Variants in XKR4 observed in about 807,000 individuals in gnomAD.
The protein encoded by XKR4 is XK-related protein 4.
In XKR4, 12 loss-of-function variants were observed where a neutral mutation model predicts 53.9. That is an observed-to-expected ratio of 0.22 (90% CI 0.14 to 0.36). The LOEUF (loss-of-function observed/expected upper bound fraction) is 0.36. Ranked by LOEUF, XKR4 falls within the 10% of genes least tolerant of loss-of-function variation. XKR4 has a pLI of 1.00. For synonymous variants in XKR4, 354 were observed against 362.4 expected (o/e 0.98, Z 0.26); for missense variants, 799 against 859.5 (o/e 0.93, Z 0.88).
chr8:55,182,779 C>T (rs1817326914), intron 1 of XKR4, among the ~76,000 whole-genome samples: 1 of 150,904 alleles, frequency 6.6e-6, no homozygotes, highest in Non-Finnish European at 1.5e-5. Flanking sequence ...TATGCTAGAC[C>T]TTTTGCCTTT....
intron 2 of XKR4, chr8:55,454,206 G>C (rs1805514495): frequency 1.9e-6 from 2 of 1,050,672 alleles, no homozygotes; most frequent in African/African-American, 3.1e-5. Flanking sequence ...AGCAAGGGTG[G>C]AATGTGCACA....
chr8:55,253,926 G>A (rs1350382340), intron 1 of XKR4, among the ~76,000 whole-genome samples: 6 of 151,638 alleles, frequency 4.0e-5, no homozygotes, highest in Non-Finnish European at 7.4e-5. Flanking sequence ...TCACCACATT[G>A]CCCAGTCTGG....
chr8:55,249,170 T>A (rs1028481812), intron 1 of XKR4, among the ~76,000 whole-genome samples: 1 of 152,192 alleles, frequency 6.6e-6, no homozygotes, highest in South Asian at 2.1e-4. Context: ...CAAAAAAAGA[T>A]CATTGTTGAA....
chr8:55,477,138 T>G (rs1243895139), intron 2 of XKR4, among the ~76,000 whole-genome samples: 2 of 152,126 alleles, frequency 1.3e-5, no homozygotes, highest in African/African-American at 2.4e-5. Context: ...TGGGAGGCAC[T>G]GCCTGGTAGG....
chr8:55,448,732 G>GTCAACCTGGTAGGCTGAAGCTTTGCT (rs1448345093), intron 2 of XKR4, among the ~76,000 whole-genome samples: 18 of 152,322 alleles, frequency 1.2e-4, no homozygotes, highest in African/African-American at 3.8e-4. Flanking sequence ...AAATGCAGTA[G>GTCAACCTGGTAGGCTGAAGCTTTGCT]TCAACCTGGT....
chr8:55,275,741 A>G (rs968720723), intron 1 of XKR4, among the ~76,000 whole-genome samples: 7 of 152,334 alleles, frequency 4.6e-5, no homozygotes, highest in Middle Eastern at 3.4e-3. Flanking sequence ...CAAAGGGTCC[A>G]CTGGTTTATA....
chr8:55,253,110 G>T (rs1324969237), intron 1 of XKR4, among the ~76,000 whole-genome samples: 1 of 152,164 alleles, frequency 6.6e-6, no homozygotes, highest in Non-Finnish European at 1.5e-5. Context: ...CTTTGTTGAA[G>T]AGTTTTGTAT....
intron 1 of XKR4, among the ~76,000 whole-genome samples, chr8:55,326,399 G>A (rs1349115015): frequency 6.6e-6 from 1 of 150,626 alleles, no homozygotes; most frequent in Non-Finnish European, 1.5e-5. Flanking sequence ...TGTTTAACGA[G>A]ATTATAAATT....
chr8:55,264,231 T>C (rs533403517), intron 1 of XKR4, among the ~76,000 whole-genome samples: 1 of 152,212 alleles, frequency 6.6e-6, no homozygotes, highest in Non-Finnish European at 1.5e-5. Context: ...AGCAGAATCC[T>C]TAATTATCCT....
At chr8:55,512,206 T>C (rs1329148834) in intron 2 of XKR4, among the ~76,000 whole-genome samples, 1 of 152,146 alleles carries the variant, frequency 6.6e-6, no homozygotes, top group East Asian at 1.9e-4. Context: ...CACCCAAGTA[T>C]TGAGATAACT....
chr8:55,298,703 T>C (rs768910261), intron 1 of XKR4, among the ~76,000 whole-genome samples: 8 of 152,198 alleles, frequency 5.3e-5, no homozygotes, highest in Non-Finnish European at 1.0e-4. Flanking sequence ...ACCTATATCA[T>C]TGCCACATTT....
At chr8:55,234,157 A>G (rs1818087571) in intron 1 of XKR4, among the ~76,000 whole-genome samples, 2 of 152,196 alleles carry the variant, frequency 1.3e-5, no homozygotes, top group Admixed American at 1.3e-4. Context: ...GCAGCTTTCA[A>G]TTTCACACTG....
At chr8:55,453,850 C>G (rs1293393020) in intron 2 of XKR4, 1 of 522,722 alleles carries the variant, frequency 1.9e-6, no homozygotes, top group East Asian at 5.0e-5. Flanking sequence ...GGGCCACCAG[C>G]TCATCAAACA....
At chr8:55,144,935 G>A (rs1015697083) in intron 1 of XKR4, among the ~76,000 whole-genome samples, 14 of 151,828 alleles carry the variant, frequency 9.2e-5, no homozygotes, top group Non-Finnish European at 1.3e-4. Context: ...GGGTTCAAGC[G>A]ATTCTCCTGC....
At chr8:55,455,841 G>A (rs1044359328) in intron 2 of XKR4, among the ~76,000 whole-genome samples, 4 of 152,282 alleles carry the variant, frequency 2.6e-5, no homozygotes, top group African/African-American at 9.6e-5. Context: ...GGAGGTAGGA[G>A]CTTTATGGGT....
At chr8:55,152,359 G>C (rs1236349813) in intron 1 of XKR4, among the ~76,000 whole-genome samples, 1 of 152,098 alleles carries the variant, frequency 6.6e-6, no homozygotes, top group African/African-American at 2.4e-5. Flanking sequence ...TTTAAGGCCT[G>C]ATTTGAAATC....
intron 1 of XKR4, among the ~76,000 whole-genome samples, chr8:55,147,774 CTG>C (rs758205388): frequency 1.6e-4 from 24 of 152,152 alleles, no homozygotes; most frequent in Non-Finnish European, 2.6e-4. Context: ...AGCTTTGGTC[CTG>C]TGGGCCTATT....
At chr8:55,202,669 C>T (rs957212582) in intron 1 of XKR4, among the ~76,000 whole-genome samples, 1 of 152,210 alleles carries the variant, frequency 6.6e-6, no homozygotes, top group African/African-American at 2.4e-5. Flanking sequence ...ATACTTGTGA[C>T]TTGTAACTTT....
At chr8:55,422,903 A>T (rs953160514) in intron 2 of XKR4, among the ~76,000 whole-genome samples, 3 of 152,178 alleles carry the variant, frequency 2.0e-5, no homozygotes, top group Admixed American at 1.3e-4. Flanking sequence ...TGGGTGATGG[A>T]TTGCCTGTCT....
Sources: allele counts gnomAD v4.1 joint callset (sites outside exome capture counted in the v4.1 genomes callset), GRCh38; gene constraint gnomAD v4.1.1; transcripts MANE v1.5; gene names NCBI Gene and HGNC (gene_info 2026-07-23, HGNC 2026-07-21).